Variants in CACNA2D1 observed in about 807,000 individuals in gnomAD.
CACNA2D1 encodes the protein calcium voltage-gated channel auxiliary subunit alpha2delta 1.
CACNA2D1 carries 53 observed loss-of-function variants against 171.5 expected under a neutral mutation model. The ratio of observed to expected loss-of-function variants is 0.31; its 90% CI spans 0.25 to 0.39. The LOEUF (loss-of-function observed/expected upper bound fraction) is 0.39. Ranked by LOEUF, CACNA2D1 falls within the 10% of genes least tolerant of loss-of-function variation. CACNA2D1 has a pLI of 1.00. For missense variants in CACNA2D1, 903 were observed against 1,299.8 expected, an observed-to-expected ratio of 0.69 and a Z score of 4.69; for synonymous variants, 442 against 443.1, an observed-to-expected ratio of 1.00 and a Z score of 0.03.
At chr7:82,089,903 G>A (rs1208067859) in intron 6 of CACNA2D1, among the ~76,000 whole-genome samples, 1 of 152,024 alleles carries the variant, frequency 6.6e-6, no homozygotes, top group Non-Finnish European at 1.5e-5. Context: ...AGGGTCCAAG[G>A]CCTCACCATA....
intron 6 of CACNA2D1, among the ~76,000 whole-genome samples, chr7:82,102,233 A>G (rs1002920107): frequency 2.0e-5 from 3 of 152,176 alleles, no homozygotes. Flanking sequence ...AGACTTGAAA[A>G]AAATAAGCTT....
At chr7:82,044,360 A>G (rs1200133371) in intron 10 of CACNA2D1, among the ~76,000 whole-genome samples, 2 of 152,200 alleles carry the variant, frequency 1.3e-5, no homozygotes, top group Admixed American at 6.5e-5. Flanking sequence ...AAATTGTTCA[A>G]TATTTATTAC....
chr7:82,085,298 A>C (rs1810320099), intron 6 of CACNA2D1, among the ~76,000 whole-genome samples: 1 of 152,152 alleles, frequency 6.6e-6, no homozygotes, highest in Non-Finnish European at 1.5e-5. Context: ...GTGACATGCG[A>C]AAATGTCTCC....
chr7:82,384,231 T>G (rs77480289), intron 1 of CACNA2D1, among the ~76,000 whole-genome samples: 21,021 of 152,194 alleles, frequency 0.14, 1,758 homozygotes, highest in South Asian at 0.27. Context: ...ATGTGTATGT[T>G]GAAACCCTAA....
At chr7:81,970,176 A>T (rs956872885) in intron 27 of CACNA2D1, among the ~76,000 whole-genome samples, 192 bp from the exon 28 acceptor site, 2 of 151,474 alleles carry the variant, frequency 1.3e-5, no homozygotes, top group Non-Finnish European at 3.0e-5. Context: ...TAAGAATCAG[A>T]AAAAGCTAAC....
At chr7:82,233,388 CA>C (rs1489409269) in intron 3 of CACNA2D1, among the ~76,000 whole-genome samples, 2 of 152,076 alleles carry the variant, frequency 1.3e-5, no homozygotes, top group African/African-American at 4.8e-5. Context: ...ATGATGCATT[CA>C]CATCAAAAAA....
chr7:82,247,448 T>A (rs942215132), intron 3 of CACNA2D1, among the ~76,000 whole-genome samples: 2 of 151,390 alleles, frequency 1.3e-5, no homozygotes, highest in African/African-American at 4.9e-5. Flanking sequence ...AGGTGGGGGC[T>A]GCAGTGAGCT....
intron 5 of CACNA2D1, among the ~76,000 whole-genome samples, chr7:82,127,760 G>A (rs115199013): frequency 0.024 from 3,657 of 152,198 alleles, 135 homozygotes; most frequent in African/African-American, 0.083. Context: ...CAGGTAATTA[G>A]CATGATTAGT....
chr7:82,191,830 A>G (rs1332920685), intron 3 of CACNA2D1, among the ~76,000 whole-genome samples: 6 of 151,858 alleles, frequency 4.0e-5, no homozygotes, highest in Non-Finnish European at 7.4e-5. Context: ...TATTTTATTA[A>G]TGAATATATT....
intron 1 of CACNA2D1, among the ~76,000 whole-genome samples, chr7:82,378,841 C>A (rs192872964): frequency 6.6e-6 from 1 of 151,994 alleles, no homozygotes; most frequent in African/African-American, 2.4e-5. Context: ...GTCAGGATGG[C>A]AATTTCATAT....
At chr7:82,105,585 T>G (rs1787660241) in intron 6 of CACNA2D1, among the ~76,000 whole-genome samples, 1 of 152,034 alleles carries the variant, frequency 6.6e-6, no homozygotes, top group Non-Finnish European at 1.5e-5. Context: ...ATATAAAATT[T>G]GTTTCTTTCA....
At chr7:82,410,811 A>G (rs1054338205) in intron 1 of CACNA2D1, among the ~76,000 whole-genome samples, 3 of 152,212 alleles carry the variant, frequency 2.0e-5, no homozygotes, top group African/African-American at 4.8e-5. Context: ...TTAACTTTCT[A>G]TATCCCTCAC....
chr7:82,334,697 CTT>C (rs150105705), intron 3 of CACNA2D1, among the ~76,000 whole-genome samples: 10,223 of 152,044 alleles, frequency 0.067, 449 homozygotes, highest in African/African-American at 0.13. Context: ...AAAATGGTAA[CTT>C]GAATATCTAG....
chr7:82,047,010 T>C (rs1270813538), intron 10 of CACNA2D1, among the ~76,000 whole-genome samples: 6 of 152,162 alleles, frequency 3.9e-5, no homozygotes, highest in Non-Finnish European at 8.8e-5. Flanking sequence ...TTTGAAGCCA[T>C]TGAAAGTATG....
chr7:82,200,600 TC>T (rs1284126417), intron 3 of CACNA2D1, among the ~76,000 whole-genome samples: 2 of 152,304 alleles, frequency 1.3e-5, no homozygotes, highest in East Asian at 3.9e-4. Flanking sequence ...TGTTTTCTGT[TC>T]ATTTATTTCT....
At chr7:82,171,153 T>C (rs1487081139) in intron 3 of CACNA2D1, among the ~76,000 whole-genome samples, 2 of 152,090 alleles carry the variant, frequency 1.3e-5, no homozygotes, top group Admixed American at 6.6e-5. Context: ...AGAGGATTTG[T>C]GCATCTTAAA....
intron 3 of CACNA2D1, among the ~76,000 whole-genome samples, chr7:82,285,692 G>A (rs1388499041): frequency 6.6e-6 from 1 of 152,088 alleles, no homozygotes; most frequent in East Asian, 1.9e-4. Context: ...GAACGCATGG[G>A]ACAGGACTTT....
chr7:82,028,101 T>C (rs1057313889), intron 12 of CACNA2D1: 1 of 151,850 alleles, frequency 6.6e-6, no homozygotes, highest in African/African-American at 2.4e-5. Context: ...AGTTATTGCC[T>C]GCTTCAAAGC....
chr7:82,009,057 T>G (rs966749723), intron 15 of CACNA2D1: 2 of 152,164 alleles, frequency 1.3e-5, no homozygotes, highest in East Asian at 3.9e-4. Flanking sequence ...CCCCACGTGT[T>G]GTGGGAGAGA....
Sources: allele counts gnomAD v4.1 joint callset (sites outside exome capture counted in the v4.1 genomes callset), GRCh38; gene constraint gnomAD v4.1.1; transcripts MANE v1.5; gene names NCBI Gene and HGNC (gene_info 2026-07-23, HGNC 2026-07-21).